The following SLC45A2 variants were observed in gnomAD, a reference collection of about 807,000 sequenced individuals.
The protein encoded by SLC45A2 is solute carrier family 45 member 2.
SLC45A2 carries 36 observed loss-of-function variants against 45.5 expected under a neutral mutation model. That is an observed-to-expected ratio of 0.79 (90% CI 0.61 to 1.04). The LOEUF (loss-of-function observed/expected upper bound fraction) is 1.04, where lower values mean the gene tolerates loss of function less well. SLC45A2 is among the 50% of genes least tolerant of loss of function. SLC45A2 has a pLI of 0.00. For synonymous variants in SLC45A2, 306 were observed against 269.3 expected (o/e 1.14, Z -1.33); for missense variants, 719 against 671.0 (o/e 1.07, Z -0.79).
At chr5:33,947,751 T>C (rs1751982678) in intron 5 of SLC45A2, among the ~76,000 whole-genome samples, 1 of 152,190 alleles carries the variant, frequency 6.6e-6, no homozygotes, top group Admixed American at 6.5e-5. Flanking sequence ...TGTGGCCCCA[T>C]AGGACGAAAA....
At position 33,954,344 on chromosome 5, in the gene SLC45A2, A is replaced by C; in HGVS notation, c.1032+17T>G. 6.2e-7 allele frequency: 1 copy of C among 1,613,952 alleles called. No homozygotes were observed. The highest frequency in any genetic ancestry group is 8.5e-7 in the Non-Finnish European group (1 of 1,179,906). ...ATGATGTGTAACAGTGATTGTGTGC[A>C]CAGACACGTTCATTACCTGGCCCAT... On this transcript the variant is annotated intron_variant, in intron 4 of 6. Coordinates refer to ENST00000296589, the MANE Select transcript of SLC45A2 (RefSeq NM_016180.5).
At chr5:33,956,865 A>ATTT (rs1752292321) in intron 3 of SLC45A2, among the ~76,000 whole-genome samples, 1 of 152,218 alleles carries the variant, frequency 6.6e-6, no homozygotes, top group South Asian at 2.1e-4. Context: ...TGCTTACAAA[A>ATTT]GTAAGCAATG....
At chr5:33,960,297 A>C (rs908151236) in intron 3 of SLC45A2, among the ~76,000 whole-genome samples, 36 of 136,866 alleles carry the variant, frequency 2.6e-4, no homozygotes, top group African/African-American at 6.4e-4. Flanking sequence ...ATATATATAT[A>C]TCATAGTTTT....
chr5:33,984,244 G>C lies in SLC45A2; in HGVS notation c.340C>G (p.Leu114Val). ...TTGAGGTACAGAGCCATGCCCACGAGCATCATGACTCCCAGGGTGAGGATG... is the reference window on the plus strand; with the variant it reads ...TTGAGGTACAGAGCCATGCCCACGACCATCATGACTCCCAGGGTGAGGATG... ...PYILTLGVMMLVGMALYLNGA... is the reference protein window; with the variant it reads ...PYILTLGVMMVVGMALYLNGA... Residue 114 changes from leucine (L) to valine (V), a missense_variant, in exon 1 of 7, where the codon CTC (leucine) becomes GTC (valine). Transcript: ENST00000296589. 2 of 1,614,146 alleles carry C rather than the reference G, an allele frequency of 1.2e-6. No individual in the cohort carries two copies. Among genetic ancestry groups the C allele is most frequent in the Non-Finnish European group, 1.7e-6 (2 of 1,180,022 alleles).
intron 3 of SLC45A2, among the ~76,000 whole-genome samples, chr5:33,961,857 A>T (rs1346599165): frequency 6.6e-6 from 1 of 152,142 alleles, no homozygotes; most frequent in African/African-American, 2.4e-5. Context: ...TATTAGTGTT[A>T]GCCTGTTCCT....
At position 33,954,375 on chromosome 5, in the gene SLC45A2, C is replaced by T. The variant is rs1357018037; in HGVS notation, c.1018G>A (p.Asp340Asn). Residue 340 changes from aspartate (D) to asparagine (N), a missense_variant, in exon 4 of 7, where the codon GAT becomes AAT. Asp to Asn is a conservative substitution (Grantham distance 23). Transcript: ENST00000296589. The part of the protein sequence containing the change: ...AFLSNMLFFT[D>N]FMGQIVYRGD... ...ACGTTCATTACCTGGCCCATGAAATCTGTGAAGAACAGCATGTTGGACAGG... is the reference window on the plus strand; with the variant it reads ...ACGTTCATTACCTGGCCCATGAAATTTGTGAAGAACAGCATGTTGGACAGG... The T allele has an allele frequency of 6.2e-7, 1 of 1,614,054 alleles. No homozygotes were observed.
chr5:33,962,497 T>C (rs1356117413), intron 3 of SLC45A2, among the ~76,000 whole-genome samples: 4 of 152,224 alleles, frequency 2.6e-5, no homozygotes, highest in African/African-American at 9.6e-5. Flanking sequence ...CTGAAAGTTG[T>C]TGGAGTCCAG....
intron 4 of SLC45A2, 137 bp downstream of exon 4, chr5:33,954,224 T>C (rs566028582): frequency 8.1e-7 from 1 of 1,239,098 alleles, no homozygotes; most frequent in African/African-American, 1.5e-5. Context: ...CACCTGTCTG[T>C]AAGTCAGCTT....
At chr5:33,953,886 CA>C (rs1372818077) in intron 4 of SLC45A2, among the ~76,000 whole-genome samples, 1 of 111,532 alleles carries the variant, frequency 9.0e-6, no homozygotes, top group African/African-American at 3.5e-5. Flanking sequence ...CAATGGAAAA[CA>C]AAAAAAGGCA....
chr5:33,963,261 C>T (rs1373426124), intron 3 of SLC45A2, among the ~76,000 whole-genome samples: 3 of 152,080 alleles, frequency 2.0e-5, no homozygotes, highest in Non-Finnish European at 2.9e-5. Flanking sequence ...TGAAAATGAA[C>T]GAAAATATCC....
Position 33,984,504 on chromosome 5 carries a change from G to C in SLC45A2, c.80C>G (p.Pro27Arg). The change falls in exon 1 of 7, where the codon CCG becomes CGG. Residue 27 changes from proline to arginine, a missense_variant. Coordinates refer to ENST00000296589, the MANE Select transcript of SLC45A2 (RefSeq NM_016180.5). ...ADDGPFDSVEPPKRPTSRLIM... is the reference protein window; with the variant it reads ...ADDGPFDSVERPKRPTSRLIM... ...GAGTCTGCTGGTGGGTCTTTTAGGC[G>C]GCTCCACAGAGTCAAAGGGGCCATC... is the stretch of plus-strand genomic sequence containing the variant. 1 of 1,613,176 alleles carries C rather than the reference G, an allele frequency of 6.2e-7. No homozygotes were observed. Among genetic ancestry groups the C allele is most frequent in the Non-Finnish European group, 8.5e-7 (1 of 1,180,028 alleles).
At chr5:33,976,542 C>G (rs1412492903) in intron 2 of SLC45A2, among the ~76,000 whole-genome samples, 1 of 152,102 alleles carries the variant, frequency 6.6e-6, no homozygotes, top group Admixed American at 6.5e-5. Context: ...CCAACTTTCC[C>G]TTTGCCACCA....
intron 2 of SLC45A2, chr5:33,972,206 G>C (rs760646958): frequency 1.9e-6 from 1 of 525,552 alleles, no homozygotes; most frequent in Non-Finnish European, 3.9e-6. Context: ...GTTTTCCAAG[G>C]GTACTTCAGC....
At chr5:33,946,832 G>A in intron 6 of SLC45A2, 1 of 1,290,262 alleles carries the variant, frequency 7.8e-7, no homozygotes, top group Middle Eastern at 3.1e-4. Flanking sequence ...CAGAAGACCT[G>A]GGTCCCCCTT....
intron 5 of SLC45A2, among the ~76,000 whole-genome samples, chr5:33,948,963 G>T (rs1167135638): frequency 1.3e-5 from 2 of 152,158 alleles, no homozygotes; most frequent in African/African-American, 4.8e-5. Flanking sequence ...CCCTCTGATG[G>T]GTCTGATACC....
chr5:33,975,982 T>A (rs3776546), intron 2 of SLC45A2, among the ~76,000 whole-genome samples: 26,779 of 152,066 alleles, frequency 0.18, 5,040 homozygotes, highest in African/African-American at 0.47. Context: ...CAGGAGGCAA[T>A]ACATCCTTAA....
At chr5:33,947,659 G>A (rs962026074) in intron 5 of SLC45A2, among the ~76,000 whole-genome samples, 6 of 152,170 alleles carry the variant, frequency 3.9e-5, no homozygotes, top group South Asian at 2.1e-4. Flanking sequence ...AAAAAGAAGC[G>A]AGAAAGGTGG....
At chr5:33,975,589 A>G (rs1018327254) in intron 2 of SLC45A2, among the ~76,000 whole-genome samples, 4 of 152,168 alleles carry the variant, frequency 2.6e-5, no homozygotes, top group African/African-American at 4.8e-5. Context: ...TTGGTCTTTA[A>G]TTATTCTTAT....
chr5:33,948,924 C>A (rs1561355370), intron 5 of SLC45A2, among the ~76,000 whole-genome samples: 1 of 152,216 alleles, frequency 6.6e-6, no homozygotes, highest in Non-Finnish European at 1.5e-5. Context: ...AAAGATAATT[C>A]AGTGAACTTC....
Sources: allele counts gnomAD v4.1 joint callset (sites outside exome capture counted in the v4.1 genomes callset), GRCh38; gene constraint gnomAD v4.1.1; transcripts MANE v1.5; gene names NCBI Gene and HGNC (gene_info 2026-07-23, HGNC 2026-07-21).